GC: variants seen among roughly 807,000 people sequenced by gnomAD.
The protein encoded by GC is vitamin D-binding protein.
A neutral mutation model predicts 56.7 loss-of-function variants in GC; 43 were observed. The ratio of observed to expected loss-of-function variants is 0.76; its 90% CI spans 0.59 to 0.98. The LOEUF (loss-of-function observed/expected upper bound fraction) is 0.98. Ranked by LOEUF, GC falls within the 50% of genes least tolerant of loss-of-function variation. The pLI, the probability that GC is intolerant of heterozygous loss-of-function variation, is 0.00. For synonymous variants in GC, 216 were observed against 202.7 expected (o/e 1.07, Z -0.56); for missense variants, 529 against 545.9 (o/e 0.97, Z 0.31).
At chr4:71,774,366 C>T (rs1188250389) in intron 1 of GC, among the ~76,000 whole-genome samples, 3 of 152,016 alleles carry the variant, frequency 2.0e-5, no homozygotes, top group Non-Finnish European at 4.4e-5. Context: ...GGGTTCACCT[C>T]GGGTGGTAGC....
intron 10 of GC, 51 bp downstream of exon 10, chr4:71,754,360 T>C: frequency 3.5e-6 from 3 of 856,066 alleles, no homozygotes; most frequent in Non-Finnish European, 3.8e-6. Flanking sequence ...CATAGTACTA[T>C]GAAAATATTA....
chr4:71,765,785 A>AT (rs529519246), intron 3 of GC, 142 bp from the exon 4 acceptor site: 3 of 613,408 alleles, frequency 4.9e-6, no homozygotes, highest in Admixed American at 2.9e-5. Context: ...CCATGAAGTG[A>AT]TTTTTTAACA....
At chr4:71,754,070 A>G (rs953748065) in intron 10 of GC, among the ~76,000 whole-genome samples, 1 of 152,210 alleles carries the variant, frequency 6.6e-6, no homozygotes, top group Non-Finnish European at 1.5e-5. Flanking sequence ...TTAAAAAAAT[A>G]AAATGATTTA....
chr4:71,773,490 T>G (rs62302166), intron 1 of GC, among the ~76,000 whole-genome samples: 6,074 of 152,182 alleles, frequency 0.04, 174 homozygotes, highest in Non-Finnish European at 0.063. Flanking sequence ...GGTTCAATAT[T>G]GAATTTGAAC....
intron 1 of GC, among the ~76,000 whole-genome samples, chr4:71,780,200 G>T (rs1370468949): frequency 6.6e-6 from 1 of 152,024 alleles, no homozygotes; most frequent in Admixed American, 6.6e-5. Flanking sequence ...GCTGAAACTG[G>T]ATCTCTTCCT....
At chr4:71,803,326 T>G (rs1259049605) in intron 1 of GC, among the ~76,000 whole-genome samples, 1 of 152,204 alleles carries the variant, frequency 6.6e-6, no homozygotes, top group African/African-American at 2.4e-5. Flanking sequence ...TTTATTCTTA[T>G]TCTATTTCTA....
intron 3 of GC, among the ~76,000 whole-genome samples, chr4:71,765,968 T>A (rs1297291365): frequency 6.6e-6 from 1 of 152,186 alleles, no homozygotes; most frequent in Non-Finnish European, 1.5e-5. Flanking sequence ...TATTAACATC[T>A]CTGAGGATGA....
chr4:71,790,890 A>G (rs1742953190), intron 1 of GC, among the ~76,000 whole-genome samples: 1 of 152,050 alleles, frequency 6.6e-6, no homozygotes, highest in East Asian at 1.9e-4. Flanking sequence ...AGCATTAGGT[A>G]TATGTCCTAA....
At chr4:71,783,906 A>G in intron 1 of GC, 55 bp downstream of exon 1, 1 of 1,322,390 alleles carries the variant, frequency 7.6e-7, no homozygotes, top group African/African-American at 1.5e-5. Flanking sequence ...AAGTGATAAT[A>G]TAAAATTAAA....
At chr4:71,750,383 A>T (rs890254378) in intron 11 of GC, among the ~76,000 whole-genome samples, 2 of 152,196 alleles carry the variant, frequency 1.3e-5, no homozygotes, top group Non-Finnish European at 2.9e-5. Flanking sequence ...GGCTGAATGC[A>T]CCTCTAGAAG....
At chr4:71,746,783 A>AAC (rs1560688418) in intron 11 of GC, among the ~76,000 whole-genome samples, 1 of 151,130 alleles carries the variant, frequency 6.6e-6, no homozygotes, top group Non-Finnish European at 1.5e-5. Context: ...AAAAAAAAAA[A>AAC]AAAAAAAAAA....
intron 10 of GC, among the ~76,000 whole-genome samples, chr4:71,753,138 T>C (rs1741609619): frequency 6.6e-6 from 1 of 152,220 alleles, no homozygotes; most frequent in African/African-American, 2.4e-5. Context: ...GCTCTTATTT[T>C]TAGCTCTACT....
intron 1 of GC, among the ~76,000 whole-genome samples, chr4:71,781,824 CA>C (rs1274747560): frequency 6.6e-5 from 10 of 151,768 alleles, no homozygotes; most frequent in Non-Finnish European, 1.5e-4. Flanking sequence ...GGCTTGGGAA[CA>C]AGATTCCCAA....
intron 1 of GC, among the ~76,000 whole-genome samples, chr4:71,799,395 A>G (rs1011988384): frequency 6.6e-6 from 1 of 152,010 alleles, no homozygotes; most frequent in Admixed American, 6.5e-5. Context: ...GCCCTCACCT[A>G]CTTTTGGTGA....
At chr4:71,746,772 T>TTTAA (rs1741382645) in intron 11 of GC, among the ~76,000 whole-genome samples, 1 of 100,658 alleles carries the variant, frequency 9.9e-6, no homozygotes. Flanking sequence ...CTCTATTTTG[T>TTTAA]AAAAAAAAAA....
In GC at chr4:71,789,628, A is replaced by T. The variant is rs547877646; in HGVS notation, c.22-5574T>A. Among the ~76,000 whole-genome samples, 8 of 152,092 alleles carry T rather than the reference A, an allele frequency of 5.3e-5. No individual in the cohort carries two copies. The South Asian group carries it at 1.7e-3, about 31-fold the overall frequency. On this transcript the variant is annotated intron_variant, in intron 1 of 13. Transcript: ENST00000504199. ...CATCTATAAAGTCAGGAAAAGGCAG[A>T]ATAATGGCCGACCAAAGTTGCCCAC...
At chr4:71,798,014 G>C (rs1404642290) in intron 1 of GC, among the ~76,000 whole-genome samples, 1 of 152,148 alleles carries the variant, frequency 6.6e-6, no homozygotes, top group East Asian at 1.9e-4. Context: ...TCCCATGTGT[G>C]CCTGCTCAGT....
chr4:71,775,217 C>A (rs1213435761), intron 1 of GC, among the ~76,000 whole-genome samples: 2 of 151,794 alleles, frequency 1.3e-5, no homozygotes, highest in African/African-American at 4.8e-5. Flanking sequence ...TGCCTTTAAG[C>A]AAAATTGTCT....
Position 71,752,568 on chromosome 4 carries a change from C to G in GC, c.1345G>C (p.Ala449Pro). 1 of 1,613,570 alleles carries G rather than the reference C, an allele frequency of 6.2e-7. No homozygotes were observed. The highest frequency in any genetic ancestry group is 8.5e-7 in the Non-Finnish European group (1 of 1,179,566). The change falls in exon 11 of 13, where the codon GCC becomes CCC. Residue 449 changes from alanine (A) to proline (P), a missense_variant. Physicochemically the swap from Ala to Pro is conservative, Grantham distance 27. Coordinates refer to ENST00000273951, the MANE Select transcript of GC (RefSeq NM_000583.4). Reference sequence around the variant, plus strand: ...GAGTTTATGGAACAGCAGTTGGAGGCAAAGTCTGAGTGCTTGTTAACCAGC... The same window carrying G: ...GAGTTTATGGAACAGCAGTTGGAGGGAAAGTCTGAGTGCTTGTTAACCAGC... ...AKLVNKHSDFASNCCSINSPP... is the reference protein window; with the variant it reads ...AKLVNKHSDFPSNCCSINSPP...
Sources: allele counts gnomAD v4.1 joint callset (sites outside exome capture counted in the v4.1 genomes callset), GRCh38; gene constraint gnomAD v4.1.1; transcripts MANE v1.5; gene names NCBI Gene and HGNC (gene_info 2026-07-23, HGNC 2026-07-21).